The following B3GALT1 variants were observed in gnomAD, a reference collection of about 807,000 sequenced individuals.
B3GALT1 encodes the protein UDP-Gal:betaGlcNAc beta 1,3-galactosyltransferase, polypeptide 1.
Under a neutral mutation model 23.2 loss-of-function variants are expected in B3GALT1, and 10 were observed. The observed-to-expected ratio is 0.43, with a 90% CI of 0.27 to 0.73. The LOEUF is 0.73. Among genes scored for constraint, B3GALT1 ranks in the 30% least tolerant of loss-of-function variants. The pLI, the probability that B3GALT1 is intolerant of heterozygous loss-of-function variation, is 0.21. For synonymous variants in B3GALT1, 156 were observed against 141.5 expected (o/e 1.10, Z -0.73); for missense variants, 299 against 405.4 (o/e 0.74, Z 2.25).
At chr2:167,561,895 C>G (rs1260992192) in intron 2 of B3GALT1, among the ~76,000 whole-genome samples, 1 of 152,186 alleles carries the variant, frequency 6.6e-6, no homozygotes, top group African/African-American at 2.4e-5. Context: ...GAACTGGTAC[C>G]ATTCCTTCTG....
chr2:167,580,311 A>T (rs2105406914), intron 2 of B3GALT1, among the ~76,000 whole-genome samples: 1 of 152,342 alleles, frequency 6.6e-6, no homozygotes, highest in East Asian at 1.9e-4. Context: ...CTAAAACAAT[A>T]GTAGCCTCTT....
chr2:167,547,032 G>C (rs1683649264), intron 2 of B3GALT1, among the ~76,000 whole-genome samples: 2 of 152,164 alleles, frequency 1.3e-5, no homozygotes, highest in South Asian at 4.1e-4. Flanking sequence ...CCAGGCTGCT[G>C]GAAATGATCC....
intron 2 of B3GALT1, among the ~76,000 whole-genome samples, chr2:167,507,472 C>G (rs986967369): frequency 7.5e-5 from 10 of 132,716 alleles, no homozygotes; most frequent in African/African-American, 2.8e-4. Flanking sequence ...CGCCACTGCA[C>G]TCCAGCCTGG....
intron 1 of B3GALT1, among the ~76,000 whole-genome samples, chr2:167,483,895 A>G (rs1359744727): frequency 1.3e-5 from 2 of 152,194 alleles, no homozygotes; most frequent in East Asian, 1.9e-4. Context: ...TACAGACCCT[A>G]TAGAACCTAT....
chr2:167,540,733 C>A (rs1380342936), intron 2 of B3GALT1, among the ~76,000 whole-genome samples: 5 of 152,116 alleles, frequency 3.3e-5, no homozygotes, highest in Non-Finnish European at 7.4e-5. Context: ...ACCATTAAAT[C>A]TACTTTTATA....
At chr2:167,719,403 A>G (rs1477832349) in intron 3 of B3GALT1, among the ~76,000 whole-genome samples, 1 of 152,248 alleles carries the variant, frequency 6.6e-6, no homozygotes, top group Admixed American at 6.5e-5. Context: ...AATAAATACT[A>G]AATGATTGTA....
intron 2 of B3GALT1, among the ~76,000 whole-genome samples, chr2:167,507,121 C>G (rs1699930996): frequency 6.6e-6 from 1 of 151,968 alleles, no homozygotes; most frequent in Admixed American, 6.6e-5. Context: ...TAAAAAAATA[C>G]ATTATTAAGA....
chr2:167,423,840 G>A (rs1373669600), intron 1 of B3GALT1, among the ~76,000 whole-genome samples: 2 of 152,022 alleles, frequency 1.3e-5, no homozygotes, highest in African/African-American at 4.8e-5. Context: ...CCCACATAAA[G>A]CAAGGAGGTT....
chr2:167,325,213 T>C (rs1263840150), intron 1 of B3GALT1, among the ~76,000 whole-genome samples: 1 of 152,086 alleles, frequency 6.6e-6, no homozygotes, highest in Non-Finnish European at 1.5e-5. Context: ...TTTTTTTTGT[T>C]TTTTGGATAA....
chr2:167,736,431 G>A (rs1460159033), intron 3 of B3GALT1, among the ~76,000 whole-genome samples: 1 of 152,168 alleles, frequency 6.6e-6, no homozygotes, highest in Non-Finnish European at 1.5e-5. Context: ...ATGCCTTAGG[G>A]GTTCAAGGCA....
chr2:167,397,304 C>T (rs1329929699), intron 1 of B3GALT1, among the ~76,000 whole-genome samples: 1 of 148,020 alleles, frequency 6.8e-6, no homozygotes, highest in Admixed American at 6.8e-5. Flanking sequence ...TTTTTTCCAC[C>T]TCTTCTTCCT....
At chr2:167,479,350 T>C (rs1340097869) in intron 1 of B3GALT1, among the ~76,000 whole-genome samples, 1 of 152,180 alleles carries the variant, frequency 6.6e-6, no homozygotes, top group East Asian at 1.9e-4. Flanking sequence ...AAAATATGCA[T>C]GTATATTTTA....
chr2:167,638,947 C>A (rs193276422), intron 2 of B3GALT1, among the ~76,000 whole-genome samples: 42 of 152,126 alleles, frequency 2.8e-4, no homozygotes, highest in African/African-American at 8.4e-4. Context: ...TTTACCAATT[C>A]TGTCCCATCA....
chr2:167,525,128 T>C (rs974833991), intron 2 of B3GALT1, among the ~76,000 whole-genome samples: 1 of 152,208 alleles, frequency 6.6e-6, no homozygotes, highest in Admixed American at 6.6e-5. Context: ...TGTATTGCCT[T>C]TCCTGGCAAT....
chr2:167,842,760 A>G (rs546134923), intron 4 of B3GALT1, among the ~76,000 whole-genome samples: 1 of 152,036 alleles, frequency 6.6e-6, no homozygotes, highest in South Asian at 2.1e-4. Context: ...TGTAGTCCCA[A>G]CTGCTTGGAA....
At chr2:167,457,779 C>T (rs1316482777) in intron 1 of B3GALT1, among the ~76,000 whole-genome samples, 5 of 152,012 alleles carry the variant, frequency 3.3e-5, no homozygotes, top group South Asian at 2.1e-4. Flanking sequence ...AAGCATGGTC[C>T]GTGAACCAGC....
At chr2:167,349,507 G>A (rs1209939420) in intron 1 of B3GALT1, among the ~76,000 whole-genome samples, 2 of 152,034 alleles carry the variant, frequency 1.3e-5, no homozygotes, top group African/African-American at 2.4e-5. Flanking sequence ...AATAAGGAAG[G>A]AAAAAAATTG....
intron 3 of B3GALT1, among the ~76,000 whole-genome samples, chr2:167,721,760 G>A (rs1687240484): frequency 6.6e-6 from 1 of 152,194 alleles, no homozygotes; most frequent in African/African-American, 2.4e-5. Flanking sequence ...AGCTACCTAG[G>A]GCTCTGAGCG....
At chr2:167,653,435 A>T (rs185103526) in intron 3 of B3GALT1, among the ~76,000 whole-genome samples, 1 of 152,112 alleles carries the variant, frequency 6.6e-6, no homozygotes, top group Admixed American at 6.6e-5. Context: ...TCTCACTGTT[A>T]ATTATTTTTT....
Sources: allele counts gnomAD v4.1 joint callset (sites outside exome capture counted in the v4.1 genomes callset), GRCh38; gene constraint gnomAD v4.1.1; transcripts MANE v1.5; gene names NCBI Gene and HGNC (gene_info 2026-07-23, HGNC 2026-07-21).